Variants in CYB5R2 observed in about 807,000 individuals in gnomAD.
The protein encoded by CYB5R2 is cytochrome b5 reductase 2.
CYB5R2 carries 35 observed loss-of-function variants against 29.8 expected under a neutral mutation model. That is an observed-to-expected ratio of 1.17 (90% CI 0.90 to 1.56). The LOEUF (loss-of-function observed/expected upper bound fraction) is 1.56, where lower values mean the gene tolerates loss of function less well. CYB5R2 is among the 40% of genes most tolerant of loss of function. The pLI is 0.00. For synonymous variants in CYB5R2, 169 were observed against 130.6 expected (o/e 1.29, Z -2.01); for missense variants, 419 against 346.7 (o/e 1.21, Z -1.66).
chr11:7,666,018 A>ATGCTGTCTGGGC, intron 8 of CYB5R2: 1 of 1,051,370 alleles, frequency 9.5e-7, no homozygotes, highest in Non-Finnish European at 1.4e-6. Context: ...GGTTGCTGGG[A>ATGCTGTCTGGGC]TGCTGTCTGG....
chr11:7,671,402 C>G (rs539425204), intron 3 of CYB5R2: 2 of 152,404 alleles, frequency 1.3e-5, no homozygotes, highest in Admixed American at 6.5e-5. Context: ...CCTTGTCCCA[C>G]TAACTTTGCA....
At chr11:7,668,640 A>G in intron 5 of CYB5R2, 79 bp from the exon 6 acceptor site, 2 of 1,202,686 alleles carry the variant, frequency 1.7e-6, no homozygotes, top group South Asian at 2.4e-5. Context: ...ATTCCTTAGG[A>G]CTCCCAGGAG....
In CYB5R2 at chr11:7,666,044, T is replaced by G. The variant is rs1855163024; in HGVS notation, c.658+407A>C. The G allele has an allele frequency of 3.7e-6, 3 of 802,146 alleles. No individual in the cohort carries two copies. In the South Asian group the frequency reaches 4.7e-5, roughly 12 times the overall value. The allele number at this position is 802,146 out of a possible 1,614,324, so 49.7% of individuals were successfully genotyped here. Reference sequence around the variant, plus strand: ...TGCTGTCTGGGCTGCAGCAGCTGTCTGGGGGCTCAGCATGTCCAGGTGAGG... The same window carrying G: ...TGCTGTCTGGGCTGCAGCAGCTGTCGGGGGGCTCAGCATGTCCAGGTGAGG... On this transcript the variant is annotated intron_variant, in intron 8 of 8. Coordinates refer to ENST00000299498, the MANE Select transcript of CYB5R2 (RefSeq NM_016229.5).
intron 2 of CYB5R2, 42 bp downstream of exon 2, chr11:7,672,703 CCAT>C (rs1565157697): frequency 6.2e-7 from 1 of 1,611,452 alleles, no homozygotes; most frequent in Non-Finnish European, 8.5e-7. Context: ...GCCATCCCAG[CCAT>C]CATCCACTTA....
Position 7,669,921 on chromosome 11 carries a change from C to T in CYB5R2, c.152-190G>A. 5 of 578,110 alleles carry T rather than the reference C, an allele frequency of 8.6e-6. No homozygotes were observed. In the South Asian group the frequency reaches 1.0e-4, roughly 12 times the overall value. The allele number at this position is 578,110 out of a possible 1,614,324, so 35.8% of individuals were successfully genotyped here. ...CCTAGGCCTGCCCTGCCTCCCTGTGCTACCCTAGGCAAGTCACTTCACCTC... is the reference window on the plus strand; with the variant it reads ...CCTAGGCCTGCCCTGCCTCCCTGTGTTACCCTAGGCAAGTCACTTCACCTC... On this transcript the variant is annotated intron_variant, in intron 3 of 8. Transcript: ENST00000299498.
intron 8 of CYB5R2, 125 bp downstream of exon 8, chr11:7,666,326 C>T (rs1855212075): frequency 1.5e-6 from 1 of 658,920 alleles, no homozygotes; most frequent in Non-Finnish European, 2.7e-6. Context: ...GGAGCCAGAG[C>T]CCCAGGCTTA....
chr11:7,673,703 C>T (rs1855904810), upstream of CYB5R2: 1 of 985,974 alleles, frequency 1.0e-6, no homozygotes, highest in Non-Finnish European at 1.2e-6. Context: ...AAATACACCC[C>T]GCCGCGGAAC....
intron 7 of CYB5R2, 62 bp downstream of exon 7, chr11:7,667,666 A>AAAAC: frequency 4.1e-6 from 6 of 1,464,500 alleles, no homozygotes; most frequent in African/African-American, 1.4e-5. Context: ...AGGAGAAATG[A>AAAAC]AAACAAGAGC....
At chr11:7,673,612 T>C (rs957893847), upstream of CYB5R2, 56 of 985,238 alleles carry the variant, frequency 5.7e-5, no homozygotes, top group Non-Finnish European at 6.4e-5. Context: ...CGGACGTTCG[T>C]TCCCGGCTCT....
At chr11:7,666,852 C>T (rs767086991) in intron 7 of CYB5R2, 6 of 215,126 alleles carry the variant, frequency 2.8e-5, no homozygotes, top group East Asian at 1.2e-4. Context: ...TGGCTTCACT[C>T]GGAGCTCCAG....
chr11:7,672,768 G>GC lies in CYB5R2; in HGVS notation c.57dup (p.Leu20AlafsTer5). 1 of 1,614,216 alleles carries GC rather than the reference G, an allele frequency of 6.2e-7. No individual in the cohort carries two copies. On this transcript the variant is annotated frameshift_variant, in exon 2 of 9. Transcript: ENST00000299498. LOFTEE classifies it high-confidence loss of function. ...ATTACCTCTTTCTCAATCAAGGGCA[G>GC]CGGGTACTTGGCTTCAGGGTCCTGT...
At chr11:7,669,816 G>A (rs1270562391) in intron 3 of CYB5R2, 85 bp from the exon 4 acceptor site, 1 of 966,752 alleles carries the variant, frequency 1.0e-6, no homozygotes, top group East Asian at 2.5e-5. Flanking sequence ...TCAGTGAAGG[G>A]AGCAAATACT....
chr11:7,665,624 C>A, intron 8 of CYB5R2, 78 bp from the exon 9 acceptor site: 2 of 1,447,686 alleles, frequency 1.4e-6, no homozygotes, highest in Non-Finnish European at 1.9e-6. Context: ...GCACACCCAC[C>A]CTCAGCCAGG....
chr11:7,673,930 T>C, upstream of CYB5R2: 1 of 997,314 alleles, frequency 1.0e-6, no homozygotes. Context: ...AGAAGGGCCG[T>C]GGTCGGGGGG....
At chr11:7,669,568 A>AC (rs1855594127) in intron 4 of CYB5R2, 57 bp downstream of exon 4, 1 of 1,412,400 alleles carries the variant, frequency 7.1e-7, no homozygotes, top group Non-Finnish European at 9.7e-7. Flanking sequence ...CCTCCACCCC[A>AC]CCACCCTCAG....
upstream of CYB5R2, chr11:7,674,229 A>G (rs757577434): frequency 7.8e-7 from 1 of 1,284,662 alleles, no homozygotes; most frequent in Non-Finnish European, 1.0e-6. Context: ...GACATACCTC[A>G]TGGGCGCCTA....
chr11:7,667,646 C>T (rs1855388965), intron 7 of CYB5R2, 82 bp downstream of exon 7: 3 of 1,275,062 alleles, frequency 2.4e-6, no homozygotes, highest in Non-Finnish European at 3.4e-6. Flanking sequence ...AGCATGAGCT[C>T]AGTCAATGCA....
At chr11:7,669,356 C>G (rs1366145356) in intron 4 of CYB5R2, 22 bp from the exon 5 acceptor site, 1 of 1,596,988 alleles carries the variant, frequency 6.3e-7, no homozygotes, top group Non-Finnish European at 8.5e-7. Flanking sequence ...GGCAGCACTG[C>G]TTTCACATTC....
intron 5 of CYB5R2, 28 bp from the exon 6 acceptor site, chr11:7,668,589 T>G: frequency 6.4e-7 from 1 of 1,571,178 alleles, no homozygotes; most frequent in South Asian, 1.1e-5. Flanking sequence ...GCTTATGACC[T>G]CTGCAGTTCT....
Sources: allele counts gnomAD v4.1 joint callset, GRCh38; gene constraint gnomAD v4.1.1; transcripts MANE v1.5; gene names NCBI Gene and HGNC (gene_info 2026-07-23, HGNC 2026-07-21).